The following GLB1L3 variants were observed in gnomAD, a reference collection of about 807,000 sequenced individuals.
GLB1L3 encodes beta-galactosidase-1-like protein 3.
In GLB1L3, 89 loss-of-function variants were observed where a neutral mutation model predicts 89.5. The ratio of observed to expected loss-of-function variants is 0.99; its 90% CI spans 0.84 to 1.19. GLB1L3 has a LOEUF of 1.19. GLB1L3 is among the 50% of genes most tolerant of loss of function. The pLI is 0.00. For missense variants in GLB1L3, 812 were observed against 813.3 expected, an observed-to-expected ratio of 1.00 and a Z score of 0.02; for synonymous variants, 314 against 312.3, an observed-to-expected ratio of 1.01 and a Z score of -0.06.
rs1943094025 is a variant in GLB1L3, at chr11:134,318,903, T to C, written c.1923T>C (p.Ser641=). 1.9e-6 allele frequency: 3 copies of C among 1,613,512 alleles called. No homozygotes were observed. The highest frequency in any genetic ancestry group is 8.5e-7 in the Non-Finnish European group (1 of 1,179,578). The stretch of plus-strand genomic sequence containing the variant: ...TCATCTTGTTTGAGAAGATGATGAG[T>C]GGCTCAGATATCAAATCTACAGACA... ...NEVILFEKMM[S]GSDIKSTDKP... is the part of the protein sequence containing the mutation. The change falls in exon 20 of 20, where the codon AGT becomes AGC. Residue 641 remains serine (S), a synonymous_variant. Coordinates refer to ENST00000431683, the MANE Select transcript of GLB1L3 (RefSeq NM_001080407.3).
chr11:134,293,002 G>C, intron 8 of GLB1L3, 143 bp from the exon 9 acceptor site: 2 of 695,262 alleles, frequency 2.9e-6, no homozygotes, highest in South Asian at 1.6e-5. Flanking sequence ...GGATGTGGCA[G>C]AGTGGGGTCC....
chr11:134,288,736 G>C (rs1354745566), intron 6 of GLB1L3, 62 bp from the exon 7 acceptor site: 1 of 1,247,742 alleles, frequency 8.0e-7, no homozygotes, highest in East Asian at 2.4e-5. Context: ...AGCAAGCTCA[G>C]AGACTCCAGG....
chr11:134,324,717 T>C, the GLB1L3 span, among the ~76,000 whole-genome samples: 1 of 152,162 alleles, frequency 6.6e-6, no homozygotes, highest in Non-Finnish European at 1.5e-5. Context: ...AGACTTTTTC[T>C]TCAAAGATTC....
intron 7 of GLB1L3, 46 bp from the exon 8 acceptor site, chr11:134,292,086 A>G: frequency 7.2e-7 from 1 of 1,398,360 alleles, no homozygotes. Context: ...CTTTTTTCCC[A>G]TGGGAATGAG....
At chr11:134,308,380 TCAC>T (rs1565413426) in intron 10 of GLB1L3, among the ~76,000 whole-genome samples, 1 of 17,518 alleles carries the variant, frequency 5.7e-5, no homozygotes, top group Admixed American at 8.1e-4. Flanking sequence ...ACCACCACCA[TCAC>T]CACCATCACC....
At chr11:134,310,896 C>A (rs539332477) in intron 12 of GLB1L3, 168 bp from the exon 13 acceptor site, 2 of 645,180 alleles carry the variant, frequency 3.1e-6, no homozygotes, top group South Asian at 1.9e-5. Flanking sequence ...CCTTGGTCTC[C>A]TGTGATGACT....
intron 7 of GLB1L3, among the ~76,000 whole-genome samples, chr11:134,290,723 A>G (rs572843215): frequency 4.6e-5 from 7 of 151,984 alleles, no homozygotes; most frequent in Non-Finnish European, 8.8e-5. Context: ...TTCAGATTAG[A>G]TGTCCCCATC....
At chr11:134,310,905 C>T in intron 12 of GLB1L3, 159 bp from the exon 13 acceptor site, 1 of 657,074 alleles carries the variant, frequency 1.5e-6, no homozygotes. Flanking sequence ...CCTGTGATGA[C>T]TGCGAAGATT....
At chr11:134,308,371 C>G (rs796674281) in intron 10 of GLB1L3, among the ~76,000 whole-genome samples, 4 of 68,434 alleles carry the variant, frequency 5.8e-5, no homozygotes, top group African/African-American at 2.0e-4. Flanking sequence ...ACCACCACCA[C>G]CACCACCATC....
rs764071055 is a variant in GLB1L3, at chr11:134,312,339, C to T, written c.1288-10C>T. On this transcript the variant is annotated splice_polypyrimidine_tract_variant and intron_variant, in intron 13 of 19. Transcript: ENST00000431683. Reference sequence around the variant, plus strand: ...CCTTGGACTTCTGCTCTTGCCATTTCTCCTCATAGCCAGTCAGGTCGCGTC... The same window carrying T: ...CCTTGGACTTCTGCTCTTGCCATTTTTCCTCATAGCCAGTCAGGTCGCGTC... 3 of 1,612,860 alleles carry T rather than the reference C, an allele frequency of 1.9e-6. No individual in the cohort carries two copies. Among genetic ancestry groups the T allele is most frequent in the East Asian group, 2.2e-5 (1 of 44,858 alleles).
In GLB1L3 at chr11:134,308,216, AT is replaced by A. The variant is rs1336103391; in HGVS notation, c.961+1009del. ...CACCATCACCACTACCACCACCACCATCACCATCACCACCACCACCATCACC... is the reference window on the plus strand; with the variant it reads ...CACCATCACCACTACCACCACCACCACACCATCACCACCACCACCATCACC... On this transcript the variant is annotated intron_variant, in intron 10 of 19. Coordinates refer to ENST00000431683, the MANE Select transcript of GLB1L3 (RefSeq NM_001080407.3). Among the ~76,000 whole-genome samples, 74 of 23,668 alleles carry A rather than the reference AT, an allele frequency of 3.1e-3. 5 individuals carry two copies. Among genetic ancestry groups the A allele is most frequent in the African/African-American group, 0.013 (56 of 4,168 alleles). The allele number at this position is 23,668 out of a possible 152,430, so 15.5% of individuals were successfully genotyped here.
chr11:134,276,619 A>G lies in GLB1L3; in HGVS notation c.-122A>G. ...GGATTTCTGCCTCGGCTGCAGGCGC[A>G]GCGCGCAGACCTGAGCCTGCCCCGC... On this transcript the variant is annotated 5_prime_UTR_variant, in exon 1 of 20. Coordinates refer to ENST00000431683, the MANE Select transcript of GLB1L3 (RefSeq NM_001080407.3). 1.1e-6 allele frequency: 1 copy of G among 906,600 alleles called. No individual in the cohort carries two copies. The highest frequency in any genetic ancestry group is 1.5e-6 in the Non-Finnish European group (1 of 686,476). The allele number at this position is 906,600 out of a possible 1,614,324, so 56.2% of individuals were successfully genotyped here.
intron 7 of GLB1L3, among the ~76,000 whole-genome samples, chr11:134,289,169 T>C (rs886466517): frequency 2.6e-5 from 4 of 152,200 alleles, no homozygotes; most frequent in Non-Finnish European, 5.9e-5. Context: ...ATCTATTATA[T>C]ACTGTATTCT....
intron 7 of GLB1L3, among the ~76,000 whole-genome samples, chr11:134,291,832 G>A (rs1362651053): frequency 1.3e-5 from 2 of 152,098 alleles, no homozygotes; most frequent in East Asian, 1.9e-4. Flanking sequence ...AAAATTAGCT[G>A]GACATGGTGG....
Position 134,311,077 on chromosome 11 carries a change from C to A in GLB1L3, c.1194C>A (p.Pro398=), listed in dbSNP as rs1165215269. The A allele has an allele frequency of 1.9e-6, 3 of 1,613,722 alleles. No homozygotes were observed. Among genetic ancestry groups the A allele is most frequent in the Non-Finnish European group, 2.5e-6 (3 of 1,179,774 alleles). ...TCTCCATTGCAGCAACTCCCCTGCC[C>A]CGAGTACCCAAACTTCCTCCCAAGG... is the stretch of plus-strand genomic sequence containing the variant. ...LFQSVSATPL[P]RVPKLPPKAV... The change falls in exon 13 of 20, where the codon CCC becomes CCA. Residue 398 remains proline, a synonymous_variant. Coordinates refer to ENST00000431683, the MANE Select transcript of GLB1L3 (RefSeq NM_001080407.3).
intron 18 of GLB1L3, among the ~76,000 whole-genome samples, chr11:134,316,251 A>G (rs1942974811): frequency 6.7e-6 from 1 of 149,894 alleles, no homozygotes; most frequent in Admixed American, 6.6e-5. Flanking sequence ...TATTGTATTT[A>G]TTTTCATGAC....
intron 10 of GLB1L3, among the ~76,000 whole-genome samples, chr11:134,309,332 A>T (rs1487480931): frequency 6.6e-6 from 1 of 152,234 alleles, no homozygotes; most frequent in Non-Finnish European, 1.5e-5. Flanking sequence ...CATTTGCAGT[A>T]GGTCTTTAAC....
At chr11:134,324,368 G>C (rs1481057622), downstream of GLB1L3, among the ~76,000 whole-genome samples, 1 of 152,132 alleles carries the variant, frequency 6.6e-6, no homozygotes, top group Non-Finnish European at 1.5e-5. Flanking sequence ...GTACCTCGAA[G>C]TCATAACTTG....
At chr11:134,304,564 C>T (rs1942097203) in intron 9 of GLB1L3, among the ~76,000 whole-genome samples, 1 of 152,046 alleles carries the variant, frequency 6.6e-6, no homozygotes, top group Non-Finnish European at 1.5e-5. Flanking sequence ...CACTCCTTTT[C>T]TTTTCATGTC....
Sources: allele counts gnomAD v4.1 joint callset (sites outside exome capture counted in the v4.1 genomes callset), GRCh38; gene constraint gnomAD v4.1.1; transcripts MANE v1.5; gene names NCBI Gene and HGNC (gene_info 2026-07-23, HGNC 2026-07-21).